The following SNTG1 variants were observed in gnomAD, a reference collection of about 807,000 sequenced individuals.
The protein encoded by SNTG1 is syntrophin gamma 1.
SNTG1 carries 39 observed loss-of-function variants against 74.7 expected under a neutral mutation model. The ratio of observed to expected loss-of-function variants is 0.52; its 90% CI spans 0.40 to 0.68. SNTG1 has a LOEUF of 0.68. SNTG1 is among the 30% of genes least tolerant of loss of function. SNTG1 has a pLI of 0.00. For synonymous variants in SNTG1, 254 were observed against 217.1 expected (o/e 1.17, Z -1.49); for missense variants, 685 against 609.5 (o/e 1.12, Z -1.30).
At chr8:50,530,951 T>G (rs1428029853) in intron 10 of SNTG1, among the ~76,000 whole-genome samples, 1 of 152,190 alleles carries the variant, frequency 6.6e-6, no homozygotes, top group African/African-American at 2.4e-5. Flanking sequence ...CAATCATCTT[T>G]CATGCTTACA....
chr8:50,791,304 T>C (rs1035610653), intron 18 of SNTG1, among the ~76,000 whole-genome samples: 7 of 152,008 alleles, frequency 4.6e-5, no homozygotes, highest in African/African-American at 1.7e-4. Context: ...AAAACTTTTT[T>C]GGTGGAAATA....
chr8:49,969,672 CA>C (rs1811479562), intron 1 of SNTG1, among the ~76,000 whole-genome samples: 1 of 152,080 alleles, frequency 6.6e-6, no homozygotes, highest in South Asian at 2.1e-4. Flanking sequence ...GCTCAGATTA[CA>C]GGAGTGAGTC....
At chr8:50,495,188 T>G (rs1040689726) in intron 8 of SNTG1, among the ~76,000 whole-genome samples, 5 of 152,118 alleles carry the variant, frequency 3.3e-5, no homozygotes, top group Non-Finnish European at 7.4e-5. Flanking sequence ...GACATAAAAT[T>G]TAGACTAGAA....
chr8:50,097,054 C>T (rs2079954511), intron 1 of SNTG1, among the ~76,000 whole-genome samples: 1 of 151,920 alleles, frequency 6.6e-6, no homozygotes, highest in Non-Finnish European at 1.5e-5. Context: ...ACTGTAAGCT[C>T]CACCTCCTGG....
At chr8:50,088,977 G>C (rs953458368) in intron 1 of SNTG1, among the ~76,000 whole-genome samples, 71 of 151,672 alleles carry the variant, frequency 4.7e-4, no homozygotes, top group African/African-American at 1.6e-3. Context: ...AACAAAGCTG[G>C]AGGCATCACA....
intron 12 of SNTG1, among the ~76,000 whole-genome samples, chr8:50,563,435 C>CTTTA (rs1336533792): frequency 6.6e-6 from 1 of 152,056 alleles, no homozygotes; most frequent in Non-Finnish European, 1.5e-5. Flanking sequence ...GGCCACTGTG[C>CTTTA]TTTAGAGTAG....
chr8:50,603,680 G>A (rs930167135), intron 13 of SNTG1, among the ~76,000 whole-genome samples: 5 of 152,136 alleles, frequency 3.3e-5, no homozygotes, highest in Admixed American at 3.3e-4. Context: ...GCTATTCGAT[G>A]CAACTTGGAC....
intron 15 of SNTG1, among the ~76,000 whole-genome samples, chr8:50,668,139 T>G (rs1197077750): frequency 6.6e-6 from 1 of 152,000 alleles, no homozygotes; most frequent in Non-Finnish European, 1.5e-5. Flanking sequence ...AAAAATATAA[T>G]AATCGTCATT....
At chr8:50,350,289 G>A (rs2091614735) in intron 2 of SNTG1, among the ~76,000 whole-genome samples, 1 of 152,168 alleles carries the variant, frequency 6.6e-6, no homozygotes, top group Non-Finnish European at 1.5e-5. Flanking sequence ...GACCACCCAA[G>A]GGCTGAGGAG....
chr8:50,275,728 A>G (rs1563832004), intron 2 of SNTG1, among the ~76,000 whole-genome samples: 1 of 152,148 alleles, frequency 6.6e-6, no homozygotes, highest in Non-Finnish European at 1.5e-5. Context: ...CCAGCAATTC[A>G]TTAGTTACTG....
intron 1 of SNTG1, among the ~76,000 whole-genome samples, chr8:50,064,142 C>T (rs905841695): frequency 1.4e-4 from 21 of 152,190 alleles, no homozygotes; most frequent in Admixed American, 8.5e-4. Flanking sequence ...CAGTGCTTGG[C>T]ACCAATTAAG....
intron 1 of SNTG1, among the ~76,000 whole-genome samples, chr8:50,058,600 C>T (rs1284628705): frequency 3.3e-5 from 5 of 152,020 alleles, no homozygotes; most frequent in Non-Finnish European, 5.9e-5. Flanking sequence ...AAGTTATATG[C>T]GATGATCCTG....
rs140163604 is a variant in SNTG1, at chr8:49,983,071, C to T, written c.-103+70840C>T. ...TCCTCTCATCCCTACCCAAAGGATG[C>T]TTCAGGAAGAGGGGGATTTATACCA... On this transcript the variant is annotated intron_variant, in intron 1 of 18. Coordinates refer to ENST00000642720, the MANE Select transcript of SNTG1 (RefSeq NM_018967.5). Among the ~76,000 whole-genome samples, 5 of 152,294 alleles carry T rather than the reference C, an allele frequency of 3.3e-5. No individual in the cohort carries two copies. In the East Asian group the frequency reaches 9.6e-4, roughly 29 times the overall value.
At chr8:50,491,694 C>CTTAT (rs113358818) in intron 8 of SNTG1, among the ~76,000 whole-genome samples, 1,521 of 150,500 alleles carry the variant, frequency 0.01, 13 homozygotes, top group Middle Eastern at 0.037. Context: ...TGATCCAGAA[C>CTTAT]TTATTTATTT....
chr8:50,405,470 A>T (rs2092861094), intron 4 of SNTG1, among the ~76,000 whole-genome samples: 1 of 151,962 alleles, frequency 6.6e-6, no homozygotes, highest in Admixed American at 6.6e-5. Flanking sequence ...GTCTATTCAT[A>T]TCCTTTGTCT....
At chr8:50,102,501 T>C (rs1186232022) in intron 1 of SNTG1, among the ~76,000 whole-genome samples, 4 of 143,518 alleles carry the variant, frequency 2.8e-5, no homozygotes, top group African/African-American at 5.2e-5. Context: ...TTCTCCCATT[T>C]TGTAGGTTGC....
At chr8:50,438,842 T>C (rs1361374864) in intron 5 of SNTG1, among the ~76,000 whole-genome samples, 1 of 152,192 alleles carries the variant, frequency 6.6e-6, no homozygotes, top group African/African-American at 2.4e-5. Flanking sequence ...CTCATTAACT[T>C]TCTTTGTCTG....
chr8:50,213,352 G>T (rs1293426767), intron 2 of SNTG1, among the ~76,000 whole-genome samples: 1 of 152,120 alleles, frequency 6.6e-6, no homozygotes, highest in Non-Finnish European at 1.5e-5. Flanking sequence ...CAAAAGGAAT[G>T]AAAGTAGTAC....
chr8:50,619,417 C>T (rs1563654861), intron 13 of SNTG1, among the ~76,000 whole-genome samples: 1 of 152,100 alleles, frequency 6.6e-6, no homozygotes, highest in Admixed American at 6.5e-5. Context: ...TTTTTATCAT[C>T]TCTGGGCCAT....
Sources: gnomAD v4.1 joint callset for allele counts (sites outside exome capture counted in the v4.1 genomes callset) on GRCh38, gnomAD v4.1.1 for gene constraint, MANE v1.5 for transcripts, NCBI Gene and HGNC (gene_info 2026-07-23, HGNC 2026-07-21) for gene names.